Variants in PLAGL1 observed in about 807,000 individuals in gnomAD.
The protein encoded by PLAGL1 is PLAG1 like zinc finger 1, also known as zinc finger protein PLAGL1.
Under a neutral mutation model 4.6 loss-of-function variants are expected in PLAGL1, and 1 was observed. That is an observed-to-expected ratio of 0.22 (90% CI 0.08 to 1.03). The LOEUF (loss-of-function observed/expected upper bound fraction) is 1.03, where lower values mean the gene tolerates loss of function less well. PLAGL1 is among the 50% of genes least tolerant of loss of function. The pLI is 0.58. For missense variants in PLAGL1, 464 were observed against 570.4 expected (o/e 0.81, Z 1.90); for synonymous variants, 240 against 237.8 (o/e 1.01, Z -0.08).
At chr6:144,003,435 C>T (rs1464008403) in intron 1 of PLAGL1, among the ~76,000 whole-genome samples, 5 of 152,014 alleles carry the variant, frequency 3.3e-5, no homozygotes, top group Admixed American at 6.5e-5. Flanking sequence ...CCATCCTGGC[C>T]AACGCGGTGA....
At chr6:144,009,701 A>G (rs1795003605), upstream of PLAGL1, among the ~76,000 whole-genome samples, 3 of 143,266 alleles carry the variant, frequency 2.1e-5, no homozygotes, top group South Asian at 6.4e-4. Context: ...CCAGTGTGTG[A>G]TGTTCCCCTC....
In PLAGL1 at chr6:143,990,812, C is replaced by T. The variant is rs950742692; in HGVS notation, c.-583-5638G>A. Among the ~76,000 whole-genome samples the T allele has an allele frequency of 2.0e-5, 3 of 152,132 alleles. No individual in the cohort carries two copies. The highest frequency in any genetic ancestry group is 4.4e-5 in the Non-Finnish European group (3 of 68,028). ...CCCTCTTTCCTCCCTTGTGTCATGCCGCTGCATTATATATCAGACACATTC... is the reference window on the plus strand; with the variant it reads ...CCCTCTTTCCTCCCTTGTGTCATGCTGCTGCATTATATATCAGACACATTC... On this transcript the variant is annotated intron_variant, in intron 1 of 7. Transcript: ENST00000674357. This position sits in a 1 kb window ranked among gnomAD's most constrained non-coding sequence, Gnocchi z 5.4.
intron 1 of PLAGL1, among the ~76,000 whole-genome samples, chr6:144,054,361 A>G (rs1430226209): frequency 6.6e-6 from 1 of 152,246 alleles, no homozygotes; most frequent in East Asian, 1.9e-4. Flanking sequence ...ATGACCATTA[A>G]TGATGGACTG....
Position 143,982,863 on chromosome 6 carries a change from G to T in PLAGL1, c.-544+2272C>A, listed in dbSNP as rs34605426. On this transcript the variant is annotated intron_variant, in intron 2 of 7. Transcript: ENST00000674357. This position sits in a 1 kb window ranked among gnomAD's most constrained non-coding sequence, Gnocchi z 5.3. ...GAACAGAGAAGAACTCAGGAGCTCAGGTGCAGACATGTTAGGTTTGATATG... is the reference window on the plus strand; with the variant it reads ...GAACAGAGAAGAACTCAGGAGCTCATGTGCAGACATGTTAGGTTTGATATG... Among the ~76,000 whole-genome samples, 1 of 152,206 alleles carries T rather than the reference G, an allele frequency of 6.6e-6. No individual in the cohort carries two copies. Among genetic ancestry groups the T allele is most frequent in the South Asian group, 2.1e-4 (1 of 4,832 alleles).
intron 1 of PLAGL1, among the ~76,000 whole-genome samples, chr6:144,019,228 AC>A (rs1795789901): frequency 2.0e-5 from 3 of 152,196 alleles, no homozygotes; most frequent in Non-Finnish European, 4.4e-5. Context: ...TAATCCCAGC[AC>A]TTTGGGAGGC....
chr6:143,971,266 C>T lies in PLAGL1; in HGVS notation c.-543-2288G>A, dbSNP rs562789573. ...ATGCCCCTTCCTCTACGAGATTCCT[C>T]CCGCAATTCACAAATGTGTAAACCT... On this transcript the variant is annotated intron_variant, in intron 2 of 7. Coordinates refer to ENST00000674357, the MANE Select transcript of PLAGL1 (RefSeq NM_001317162.2). The surrounding 1 kb of genome is among the most constrained non-coding windows in gnomAD (Gnocchi z 4.7). 6.6e-6 allele frequency among the ~76,000 whole-genome samples: 1 copy of T among 152,272 alleles called. No individual in the cohort carries two copies. The highest frequency in any genetic ancestry group is 2.4e-5 in the African/African-American group (1 of 41,570).
intron 1 of PLAGL1, among the ~76,000 whole-genome samples, chr6:144,042,809 T>C (rs977349727): frequency 6.6e-6 from 1 of 152,242 alleles, no homozygotes; most frequent in African/African-American, 2.4e-5. Flanking sequence ...CCCATGAGCA[T>C]GGAATGTTCT....
Position 144,046,740 on chromosome 6 carries a change from G to A in PLAGL1, c.-151+17728C>T, listed in dbSNP as rs565995326. On this transcript the variant is annotated intron_variant, in intron 1 of 3. Transcript: ENST00000437412. ...CTCTTCAGAGCTGTCAGACAGGGAC[G>A]TTTAAGTCTGCAGATGTTTCTGCTG... 4.0e-4 allele frequency among the ~76,000 whole-genome samples: 61 copies of A among 152,356 alleles called. 1 individual carries two copies. The highest frequency in any genetic ancestry group is 2.3e-3 in the South Asian group (11 of 4,828).
intron 1 of PLAGL1, among the ~76,000 whole-genome samples, chr6:144,051,288 T>G: frequency 6.6e-6 from 1 of 152,332 alleles, no homozygotes. Flanking sequence ...GCAACATGTA[T>G]GTGCTTAATG....
intron 1 of PLAGL1, among the ~76,000 whole-genome samples, chr6:144,062,644 G>C (rs1346056483): frequency 6.6e-6 from 1 of 152,006 alleles, no homozygotes; most frequent in Non-Finnish European, 1.5e-5. Flanking sequence ...GCAGCACTTT[G>C]TTCATTTTCT....
Position 144,050,588 on chromosome 6 carries a change from G to A in PLAGL1, c.-151+13880C>T, listed in dbSNP as rs1438147596. ...CCTGCCTTGCAAAGAATAAGCACATGATATTTATACACATCTCTGTGTCAG... is the reference window on the plus strand; with the variant it reads ...CCTGCCTTGCAAAGAATAAGCACATAATATTTATACACATCTCTGTGTCAG... On this transcript the variant is annotated intron_variant, in intron 1 of 3. Coordinates refer to the PLAGL1 transcript ENST00000437412. The surrounding 1 kb of genome is among the most constrained non-coding windows in gnomAD (Gnocchi z 4.3). 1.3e-5 allele frequency among the ~76,000 whole-genome samples: 2 copies of A among 152,294 alleles called. No homozygotes were observed. Among genetic ancestry groups the A allele is most frequent in the Middle Eastern group, 3.4e-3 (1 of 292 alleles).
chr6:144,063,230 C>T lies in PLAGL1; in HGVS notation c.-151+1238G>A, dbSNP rs1407246703. On this transcript the variant is annotated intron_variant, in intron 1 of 3. Transcript: ENST00000437412. This position sits in a 1 kb window ranked among gnomAD's most constrained non-coding sequence, Gnocchi z 5.7. ...TATTCCAATTTCTCCCCTTTCCACA[C>T]ACTTCCATACACCCTATTTCACCTC... Among the ~76,000 whole-genome samples, 1 of 152,202 alleles carries T rather than the reference C, an allele frequency of 6.6e-6. No individual in the cohort carries two copies. Among genetic ancestry groups the T allele is most frequent in the Non-Finnish European group, 1.5e-5 (1 of 68,036 alleles).
chr6:143,986,678 TTAA>T (rs1789245715), intron 1 of PLAGL1, among the ~76,000 whole-genome samples: 1 of 152,220 alleles, frequency 6.6e-6, no homozygotes, highest in African/African-American at 2.4e-5. Context: ...GTTTATTAGC[TTAA>T]TAATATAGCA....
chr6:143,958,808 C>T lies in PLAGL1; in HGVS notation c.-325+1661G>A, dbSNP rs1177376380. The stretch of plus-strand genomic sequence containing the variant: ...ACAAGGCAAGTTTTCCAAGCGACAA[C>T]ACTGGCTTTTCTGAAAGGGGAAAGG... On this transcript the variant is annotated intron_variant, in intron 6 of 7. Coordinates refer to ENST00000674357, the MANE Select transcript of PLAGL1 (RefSeq NM_001317162.2). This position sits in a 1 kb window ranked among gnomAD's most constrained non-coding sequence, Gnocchi z 5.1. Among the ~76,000 whole-genome samples the T allele has an allele frequency of 1.3e-5, 2 of 152,150 alleles. No homozygotes were observed. Among genetic ancestry groups the T allele is most frequent in the African/African-American group, 4.8e-5 (2 of 41,426 alleles).
intron 1 of PLAGL1, among the ~76,000 whole-genome samples, chr6:143,987,154 A>G (rs577961740): frequency 6.6e-6 from 1 of 152,320 alleles, no homozygotes; most frequent in African/African-American, 2.4e-5. Flanking sequence ...AGAAATCACT[A>G]TTAATTGATT....
chr6:144,064,214 A>T lies in PLAGL1; in HGVS notation c.-151+254T>A, dbSNP rs1401173248. On this transcript the variant is annotated intron_variant, in intron 1 of 3. Coordinates refer to the PLAGL1 transcript ENST00000437412. The surrounding 1 kb of genome is among the most constrained non-coding windows in gnomAD (Gnocchi z 6.8). ...GAGCTGCAGACGACGGAGAAAAGGGAAGCGCGCCCCAAGCCGCACAAAGGT... is the reference window on the plus strand; with the variant it reads ...GAGCTGCAGACGACGGAGAAAAGGGTAGCGCGCCCCAAGCCGCACAAAGGT... Among the ~76,000 whole-genome samples the T allele has an allele frequency of 6.6e-6, 1 of 151,966 alleles. No individual in the cohort carries two copies. The highest frequency in any genetic ancestry group is 1.5e-5 in the Non-Finnish European group (1 of 67,958).
chr6:144,041,500 A>G (rs1167467777), intron 1 of PLAGL1, among the ~76,000 whole-genome samples: 11 of 152,130 alleles, frequency 7.2e-5, no homozygotes, highest in African/African-American at 2.2e-4. Flanking sequence ...TGTCCCTAAA[A>G]AGGACATGAA....
chr6:143,982,328 C>T lies in PLAGL1; in HGVS notation c.-544+2807G>A, dbSNP rs901829626. Among the ~76,000 whole-genome samples the T allele has an allele frequency of 2.0e-5, 3 of 151,908 alleles. No individual in the cohort carries two copies. The highest frequency in any genetic ancestry group is 7.3e-5 in the African/African-American group (3 of 41,350). Reference sequence around the variant, plus strand: ...TAAGTCATGTGGCTATTTCTGGGTACAATAATTGCAAAACTCGATGCAGAA... The same window carrying T: ...TAAGTCATGTGGCTATTTCTGGGTATAATAATTGCAAAACTCGATGCAGAA... On this transcript the variant is annotated intron_variant, in intron 2 of 7. Coordinates refer to ENST00000674357, the MANE Select transcript of PLAGL1 (RefSeq NM_001317162.2). This position sits in a 1 kb window ranked among gnomAD's most constrained non-coding sequence, Gnocchi z 5.3.
Position 144,055,122 on chromosome 6 carries a change from A to T in PLAGL1, c.-151+9346T>A, listed in dbSNP as rs181852292. Among the ~76,000 whole-genome samples the T allele has an allele frequency of 9.0e-3, 1,365 of 152,342 alleles. 6 individuals carry two copies. Among genetic ancestry groups the T allele is most frequent in the Non-Finnish European group, 0.015 (1,048 of 68,038 alleles). On this transcript the variant is annotated intron_variant, in intron 1 of 3. Transcript: ENST00000437412. The surrounding 1 kb of genome is among the most constrained non-coding windows in gnomAD (Gnocchi z 5.0). ...TTGAAAAACACCCTTTACATATAGT[A>T]GTGCCATATATTTTGAAAAAGAAAT...
Sources: gnomAD v4.1 joint callset for allele counts (sites outside exome capture counted in the v4.1 genomes callset) on GRCh38, gnomAD v4.1.1 for gene constraint, Gnocchi (gnomAD v3.1) non-coding constraint, MANE v1.5 for transcripts, NCBI Gene and HGNC (gene_info 2026-07-23, HGNC 2026-07-21) for gene names.